PCDH15: variants seen among roughly 807,000 people sequenced by gnomAD.
PCDH15 encodes the protein protocadherin-15.
PCDH15 carries 129 observed loss-of-function variants against 178.5 expected under a neutral mutation model. The observed-to-expected ratio is 0.72, with a 90% CI of 0.63 to 0.84. The LOEUF is 0.84. Ranked by LOEUF, PCDH15 falls within the 40% of genes least tolerant of loss-of-function variation. PCDH15 has a pLI of 0.00. For synonymous variants in PCDH15, 800 were observed against 732.0 expected (o/e 1.09, Z -1.50); for missense variants, 2,230 against 2,099.9 (o/e 1.06, Z -1.21).
chr10:54,266,295 G>C (rs929242470), intron 8 of PCDH15, among the ~76,000 whole-genome samples: 3 of 151,442 alleles, frequency 2.0e-5, no homozygotes, highest in African/African-American at 7.3e-5. Flanking sequence ...AAAACCTCTG[G>C]GATGCAACGA....
At chr10:54,368,014 C>T (rs1947067476) in intron 5 of PCDH15, among the ~76,000 whole-genome samples, 1 of 151,814 alleles carries the variant, frequency 6.6e-6, no homozygotes, top group Admixed American at 6.6e-5. Flanking sequence ...TAATTAGTAT[C>T]TGTCATTACA....
chr10:54,718,854 G>T (rs142901144), intron 1 of PCDH15, among the ~76,000 whole-genome samples: 5,401 of 151,534 alleles, frequency 0.036, 330 homozygotes, highest in African/African-American at 0.13. Flanking sequence ...GCACCACCAT[G>T]TCCAGCTAAT....
At position 54,289,258 on chromosome 10, in the gene PCDH15, A is replaced by G. The variant is rs185024734; in HGVS notation, c.876+28013T>C. 4.2e-3 allele frequency among the ~76,000 whole-genome samples: 646 copies of G among 152,344 alleles called. 8 individuals are homozygous for G. The highest frequency in any genetic ancestry group is 0.013 in the African/African-American group (532 of 41,584). On this transcript the variant is annotated intron_variant, in intron 8 of 37. Coordinates refer to ENST00000644397, the MANE Select transcript of PCDH15 (RefSeq NM_001384140.1). ...CTGGAGTGGAACTCCAGCAAACTCC[A>G]ACAGACCTGCAGCTGAGGGACCTGA...
chr10:54,392,152 G>T (rs1363847122), intron 3 of PCDH15, among the ~76,000 whole-genome samples: 1 of 151,880 alleles, frequency 6.6e-6, no homozygotes, highest in African/African-American at 2.4e-5. Context: ...ACATTTGAAA[G>T]CTAGTTTAAT....
chr10:54,463,717 A>G (rs1565342384), intron 3 of PCDH15, among the ~76,000 whole-genome samples: 1 of 152,118 alleles, frequency 6.6e-6, no homozygotes, highest in Non-Finnish European at 1.5e-5. Flanking sequence ...GTATTCCCAG[A>G]GCCTCCCATG....
chr10:53,849,809 C>T (rs2078226954), intron 28 of PCDH15, among the ~76,000 whole-genome samples: 1 of 138,360 alleles, frequency 7.2e-6, no homozygotes, highest in South Asian at 2.3e-4. Context: ...TGCAGTGAGC[C>T]GAGATCGCGC....
intron 2 of PCDH15, among the ~76,000 whole-genome samples, chr10:54,626,665 T>C (rs889357383): frequency 2.0e-5 from 3 of 152,174 alleles, no homozygotes; most frequent in Admixed American, 2.0e-4. Flanking sequence ...CTGGCCCTCA[T>C]GGAGAACCTC....
chr10:54,541,560 T>C (rs1341764242), intron 2 of PCDH15, among the ~76,000 whole-genome samples: 2 of 152,150 alleles, frequency 1.3e-5, no homozygotes, highest in Non-Finnish European at 2.9e-5. Flanking sequence ...ATAAGATCTG[T>C]TATTCCAAAA....
chr10:55,453,869 T>G (rs1482760306), intron 2 of PCDH15, among the ~76,000 whole-genome samples: 1 of 152,232 alleles, frequency 6.6e-6, no homozygotes, highest in African/African-American at 2.4e-5. Context: ...ATATCTCATT[T>G]AGCTTCTGCT....
At chr10:55,585,407 G>A (rs780864906) in intron 2 of PCDH15, among the ~76,000 whole-genome samples, 6 of 152,146 alleles carry the variant, frequency 3.9e-5, no homozygotes, top group Non-Finnish European at 8.8e-5. Flanking sequence ...GGCCGGGCGC[G>A]TTGGCTCAAG....
intron 26 of PCDH15, among the ~76,000 whole-genome samples, chr10:53,898,256 C>T (rs552091859): frequency 3.3e-5 from 5 of 152,188 alleles, no homozygotes; most frequent in Admixed American, 1.3e-4. Flanking sequence ...CATGAGCCAC[C>T]GCACCCGGCC....
chr10:54,540,933 AAAAAG>A (rs1565546248), intron 2 of PCDH15, among the ~76,000 whole-genome samples: 2 of 152,202 alleles, frequency 1.3e-5, no homozygotes, highest in African/African-American at 4.8e-5. Context: ...GTAGATGCAG[AAAAAG>A]CTTTCAATAA....
At chr10:54,362,654 G>A (rs559163505) in intron 5 of PCDH15, among the ~76,000 whole-genome samples, 127 of 152,094 alleles carry the variant, frequency 8.4e-4, no homozygotes, top group Non-Finnish European at 1.4e-3. Context: ...AGAGCCGTGC[G>A]TCTAGAAAAA....
chr10:55,084,462 T>TAAAAAAAAAAAAAAAAAAAAAAA (rs71461276), intron 2 of PCDH15, among the ~76,000 whole-genome samples: 8 of 145,596 alleles, frequency 5.5e-5, no homozygotes, highest in African/African-American at 1.8e-4. Context: ...CCTCAAGCTG[T>TAAAAAAAAAAAAAAAAAAAAAAA]AAAAAAAAAA....
intron 2 of PCDH15, among the ~76,000 whole-genome samples, chr10:55,538,990 T>C (rs1407534535): frequency 9.7e-6 from 1 of 103,046 alleles, no homozygotes; most frequent in Non-Finnish European, 1.9e-5. Flanking sequence ...CTTCCTTCCT[T>C]CCTCCTTTCC....
At chr10:54,114,468 T>C (rs958186940) in intron 15 of PCDH15, among the ~76,000 whole-genome samples, 1 of 152,144 alleles carries the variant, frequency 6.6e-6, no homozygotes, top group Non-Finnish European at 1.5e-5. Flanking sequence ...TCAACAATTT[T>C]TTATTGATTA....
chr10:55,201,206 C>T (rs1250353648), intron 1 of PCDH15, among the ~76,000 whole-genome samples: 1 of 152,022 alleles, frequency 6.6e-6, no homozygotes, highest in Non-Finnish European at 1.5e-5. Context: ...TCAGAAGCTA[C>T]TTTTGTCACA....
intron 2 of PCDH15, among the ~76,000 whole-genome samples, chr10:55,360,696 T>C (rs1845206513): frequency 6.6e-6 from 1 of 152,000 alleles, no homozygotes; most frequent in Non-Finnish European, 1.5e-5. Context: ...AAACAATGAA[T>C]GGATATTCTA....
intron 3 of PCDH15, among the ~76,000 whole-genome samples, chr10:54,434,721 C>T (rs1310388396): frequency 6.6e-6 from 1 of 152,158 alleles, no homozygotes; most frequent in Admixed American, 6.5e-5. Context: ...CTTTACTTAT[C>T]CAAAATGAGC....
Sources: allele counts gnomAD v4.1 joint callset (sites outside exome capture counted in the v4.1 genomes callset), GRCh38; gene constraint gnomAD v4.1.1; transcripts MANE v1.5; gene names NCBI Gene and HGNC (gene_info 2026-07-23, HGNC 2026-07-21).